Variants in SLC35E2B observed in about 807,000 individuals in gnomAD.
SLC35E2B encodes solute carrier family 35 member E2B, also known as solute carrier family 35, member E2B.
In SLC35E2B, 18 loss-of-function variants were observed where a neutral mutation model predicts 32.4. The observed-to-expected ratio is 0.56, with a 90% CI of 0.38 to 0.82. SLC35E2B has a LOEUF of 0.82. Ranked by LOEUF, SLC35E2B falls within the 40% of genes least tolerant of loss-of-function variation. The pLI is 0.00. For synonymous variants in SLC35E2B, 132 were observed against 209.1 expected (o/e 0.63, Z 3.18); for missense variants, 263 against 469.5 (o/e 0.56, Z 4.06).
intron 9 of SLC35E2B, among the ~76,000 whole-genome samples, chr1:1,667,345 G>A (rs1174986192): frequency 5.3e-5 from 8 of 152,204 alleles, no homozygotes; most frequent in East Asian, 3.9e-4. Context: ...CCCGGGAGGC[G>A]GAGCTTGCAG....
intron 9 of SLC35E2B, among the ~76,000 whole-genome samples, chr1:1,667,693 T>C (rs865932532): frequency 1.1e-4 from 17 of 152,202 alleles, no homozygotes; most frequent in African/African-American, 3.9e-4. Flanking sequence ...GAAGAGACCA[T>C]TCCATTCCTG....
At chr1:1,670,028 G>T in intron 7 of SLC35E2B, 70 bp downstream of exon 7, 1 of 1,367,730 alleles carries the variant, frequency 7.3e-7, no homozygotes, top group Non-Finnish European at 1.0e-6. Context: ...GGGGTGTTCT[G>T]ACTCTTACAG....
chr1:1,664,708 A>C lies in SLC35E2B; in HGVS notation c.*1074T>G, dbSNP rs1643496433. 1 of 876,932 alleles carries C rather than the reference A, an allele frequency of 1.1e-6. No homozygotes were observed. The highest frequency in any genetic ancestry group is 1.4e-6 in the Non-Finnish European group (1 of 739,758). The allele number at this position is 876,932 out of a possible 1,614,324, so 54.3% of individuals were successfully genotyped here. A position where few individuals can be genotyped will look rare whatever the true frequency, so the allele number is the denominator to read the frequency against. On this transcript the variant is annotated 3_prime_UTR_variant, in exon 10 of 10. Coordinates refer to ENST00000617444, the MANE Select transcript of SLC35E2B (RefSeq NM_001290264.2). ...GAGTGGGACAGGGTGGGCGCCTGAC[A>C]CACACCACGCGCCCCAGAAACATTC...
intron 2 of SLC35E2B, among the ~76,000 whole-genome samples, chr1:1,690,459 C>T (rs775787670): frequency 6.8e-5 from 10 of 146,426 alleles, no homozygotes; most frequent in South Asian, 2.2e-4. Context: ...AAAATGTTGG[C>T]GGGGCATGGT....
At chr1:1,669,942 G>T in intron 7 of SLC35E2B, 156 bp downstream of exon 7, 2 of 852,648 alleles carry the variant, frequency 2.3e-6, no homozygotes, top group Non-Finnish European at 3.8e-6. Flanking sequence ...GCTGAGAAAC[G>T]GGCGGGTCCC....
chr1:1,688,845 G>T (rs866601991), intron 2 of SLC35E2B, among the ~76,000 whole-genome samples: 2 of 151,964 alleles, frequency 1.3e-5, no homozygotes, highest in African/African-American at 4.8e-5. Context: ...AGACCTTGGT[G>T]CAGGGCTGGG....
In SLC35E2B at chr1:1,665,800, G is replaced by C. The variant is rs1191764213; in HGVS notation, c.1200C>G (p.Asp400Glu). 1.3e-6 allele frequency: 2 copies of C among 1,550,700 alleles called. No homozygotes were observed. Among genetic ancestry groups the C allele is most frequent in the Non-Finnish European group, 1.7e-6 (2 of 1,146,912 alleles). The change falls in exon 10 of 10, where the codon GAC (aspartate) becomes GAG (glutamate). Residue 400 changes from aspartate to glutamate, a missense_variant. Physicochemically the swap from Asp to Glu is conservative, Grantham distance 45. Around this residue, in one of 7 missense-constraint regions of SLC35E2B, gnomAD observed 78 missense variants for 71.1 expected, o/e 1.10. Coordinates refer to ENST00000617444, the MANE Select transcript of SLC35E2B (RefSeq NM_001290264.2). ...CCTGCTCTCAGGGATGCTGCCTGGG[G>C]TCCTGTGGAAGCAGCGGCTCCACTG... is the stretch of plus-strand genomic sequence containing the variant. ...DDTVEPLLPQ[D>E]PRQHP is the part of the protein sequence containing the mutation.
intron 2 of SLC35E2B, among the ~76,000 whole-genome samples, chr1:1,688,126 C>T (rs746960417): frequency 3.9e-5 from 6 of 151,930 alleles, no homozygotes; most frequent in Non-Finnish European, 8.8e-5. Flanking sequence ...GATCAGAACC[C>T]CCAGTAAAAC....
Position 1,668,317 on chromosome 1 carries a change from C to G in SLC35E2B, c.980+10G>C. The stretch of plus-strand genomic sequence containing the variant: ...GACACACTCAACTCTTGGGAAGTTC[C>G]TCTGCTCACCTGAAAGTCACCGGGG... On this transcript the variant is annotated intron_variant, in intron 9 of 9. Transcript: ENST00000617444. The G allele has an allele frequency of 6.2e-7, 1 of 1,602,034 alleles. No individual in the cohort carries two copies.
chr1:1,673,479 C>A, intron 5 of SLC35E2B: 1 of 258,504 alleles, frequency 3.9e-6, no homozygotes, highest in Non-Finnish European at 7.8e-6. Context: ...ACCAGCATGG[C>A]CAACATGGTG....
chr1:1,687,810 G>C (rs7527152), intron 2 of SLC35E2B, among the ~76,000 whole-genome samples: 1 of 151,262 alleles, frequency 6.6e-6, no homozygotes, highest in Non-Finnish European at 1.5e-5. Context: ...CATGAGAATC[G>C]CTTGAACCCG....
rs78875124 is a variant in SLC35E2B at position 1,665,917 on chromosome 1, G to C, written c.1083C>G (p.Thr361=). ...SLSAVGTALV[T]VGVLLYNKAR... The stretch of plus-strand genomic sequence containing the variant: ...CTTTGTTGTAGAGCAGGACCCCAAC[G>C]GTCACCAGGGCTGTGCCAACGGCCG... The change falls in exon 10 of 10, where the codon ACC becomes ACG. Residue 361 remains threonine, a synonymous_variant. Transcript: ENST00000617444. 1.8e-3 allele frequency: 2,766 copies of C among 1,551,372 alleles called. 37 individuals carry two copies. The African/African-American group carries it at 0.033, about 19-fold the overall frequency.
At chr1:1,687,505 C>T (rs923385756) in intron 2 of SLC35E2B, among the ~76,000 whole-genome samples, 20 of 151,962 alleles carry the variant, frequency 1.3e-4, no homozygotes, top group East Asian at 3.9e-4. Context: ...TTTGGGAGGC[C>T]GAGACGGGCA....
chr1:1,682,325 G>C (rs1392060715), intron 2 of SLC35E2B, among the ~76,000 whole-genome samples: 1 of 152,146 alleles, frequency 6.6e-6, no homozygotes, highest in Admixed American at 6.6e-5. Flanking sequence ...GGTGTTTAAT[G>C]AGCATTTTTT....
chr1:1,687,253 G>C (rs1643962576), intron 2 of SLC35E2B, among the ~76,000 whole-genome samples: 2 of 152,076 alleles, frequency 1.3e-5, no homozygotes, highest in Admixed American at 6.5e-5. Context: ...CGCGCTCCCA[G>C]CGCCCTAACC....
chr1:1,675,243 CCT>C (rs1244141832), intron 5 of SLC35E2B, among the ~76,000 whole-genome samples: 2 of 148,648 alleles, frequency 1.3e-5, no homozygotes, highest in Non-Finnish European at 3.0e-5. Flanking sequence ...ACAACCCTGC[CCT>C]GACCTCCGCA....
At position 1,670,084 on chromosome 1, in the gene SLC35E2B, C is replaced by G; in HGVS notation, c.761+14G>C. 6.5e-7 allele frequency: 1 copy of G among 1,548,350 alleles called. No homozygotes were observed. The highest frequency in any genetic ancestry group is 2.4e-5 in the East Asian group (1 of 40,904). On this transcript the variant is annotated intron_variant, in intron 7 of 9. Transcript: ENST00000617444. The stretch of plus-strand genomic sequence containing the variant: ...TCTTATGACTTGGAGATTTCACTGA[C>G]GAATAATACTTACGAGAACCTGTAT...
At chr1:1,688,367 G>A (rs1429545599) in intron 2 of SLC35E2B, among the ~76,000 whole-genome samples, 1 of 152,108 alleles carries the variant, frequency 6.6e-6, no homozygotes, top group Non-Finnish European at 1.5e-5. Flanking sequence ...AGCACTTTGG[G>A]AGGCTGAGGT....
rs186611305 is a variant in SLC35E2B at position 1,667,351 on chromosome 1, T to C, written c.980+976A>G. Among the ~76,000 whole-genome samples the C allele has an allele frequency of 1.3e-3, 203 of 152,150 alleles. 1 individual carries two copies. The highest frequency in any genetic ancestry group is 2.4e-3 in the Non-Finnish European group (162 of 68,012). The stretch of plus-strand genomic sequence containing the variant: ...TGGCGTGAACCCGGGAGGCGGAGCT[T>C]GCAGTGAGCCGAGACTGCGATACTG... On this transcript the variant is annotated intron_variant, in intron 9 of 9. Coordinates refer to ENST00000617444, the MANE Select transcript of SLC35E2B (RefSeq NM_001290264.2).
Sources: allele counts gnomAD v4.1 joint callset (sites outside exome capture counted in the v4.1 genomes callset), GRCh38; gene constraint gnomAD v4.1.1; regional missense constraint gnomAD v4.1.1; transcripts MANE v1.5; gene names NCBI Gene and HGNC (gene_info 2026-07-23, HGNC 2026-07-21).